The following RABGAP1L variants were observed in gnomAD, a reference collection of about 807,000 sequenced individuals.
The protein encoded by RABGAP1L is RAB GTPase activating protein 1 like.
A neutral mutation model predicts 137.7 loss-of-function variants in RABGAP1L; 63 were observed. The ratio of observed to expected loss-of-function variants is 0.46; its 90% CI spans 0.37 to 0.56. The LOEUF is 0.56. Ranked by LOEUF, RABGAP1L falls within the 20% of genes least tolerant of loss-of-function variation. RABGAP1L has a pLI of 0.00. For missense variants in RABGAP1L, 1,095 were observed against 1,244.0 expected (o/e 0.88, Z 1.80); for synonymous variants, 431 against 433.7 (o/e 0.99, Z 0.08).
At chr1:174,558,457 C>G (rs752504612) in intron 13 of RABGAP1L, among the ~76,000 whole-genome samples, 15 of 152,164 alleles carry the variant, frequency 9.9e-5, no homozygotes, top group Non-Finnish European at 1.9e-4. Context: ...CCAAGAGTTA[C>G]CCTAGAGAGA....
chr1:174,539,143 A>T (rs1665143030), intron 13 of RABGAP1L, among the ~76,000 whole-genome samples: 1 of 152,096 alleles, frequency 6.6e-6, no homozygotes, highest in Non-Finnish European at 1.5e-5. Flanking sequence ...GCCCATAGTA[A>T]ATACATATTT....
At chr1:174,186,822 AC>A (rs139884593) in intron 1 of RABGAP1L, among the ~76,000 whole-genome samples, 2,061 of 152,310 alleles carry the variant, frequency 0.014, 59 homozygotes, top group African/African-American at 0.048. Context: ...ACATTTATTT[AC>A]CAAGATTTTG....
intron 12 of RABGAP1L, among the ~76,000 whole-genome samples, chr1:174,387,079 A>G (rs985506320): frequency 2.0e-5 from 3 of 152,370 alleles, no homozygotes; most frequent in Non-Finnish European, 1.5e-5. Context: ...TTAGAGTTAC[A>G]TAGAAAACAA....
chr1:174,899,164 A>G (rs977955234), intron 19 of RABGAP1L, among the ~76,000 whole-genome samples: 4 of 152,164 alleles, frequency 2.6e-5, no homozygotes, highest in Admixed American at 1.3e-4. Flanking sequence ...GAGATGTGCA[A>G]AAAAGAACTT....
At chr1:174,640,263 C>G (rs1674423169) in intron 14 of RABGAP1L, among the ~76,000 whole-genome samples, 2 of 151,978 alleles carry the variant, frequency 1.3e-5, no homozygotes, top group African/African-American at 2.4e-5. Context: ...GCCAGGAAAC[C>G]TTAAGTTTGA....
At chr1:174,822,236 T>C (rs1047089547) in intron 19 of RABGAP1L, among the ~76,000 whole-genome samples, 12 of 152,330 alleles carry the variant, frequency 7.9e-5, no homozygotes, top group Middle Eastern at 3.4e-3. Context: ...ACTGCAAGCC[T>C]GGGCAATGGA....
chr1:174,790,548 C>T lies in RABGAP1L; in HGVS notation c.2212-21284C>T, dbSNP rs573741305. 3.3e-5 allele frequency among the ~76,000 whole-genome samples: 5 copies of T among 150,888 alleles called. No homozygotes were observed. The East Asian group carries it at 6.0e-4, about 18-fold the overall frequency. Reference sequence around the variant, plus strand: ...ACTCAGTAGGCGGAGTCAGGAGAATCGCTTGAACCCAGGAGGCAGAGGTTG... The same window carrying T: ...ACTCAGTAGGCGGAGTCAGGAGAATTGCTTGAACCCAGGAGGCAGAGGTTG... On this transcript the variant is annotated intron_variant, in intron 18 of 25. Transcript: ENST00000681986.
intron 13 of RABGAP1L, among the ~76,000 whole-genome samples, chr1:174,540,920 C>G (rs1665351486): frequency 6.6e-6 from 1 of 152,210 alleles, no homozygotes; most frequent in Non-Finnish European, 1.5e-5. Flanking sequence ...TTATTCCTAT[C>G]CACGAGCATG....
chr1:174,520,177 A>G lies in RABGAP1L; in HGVS notation c.1711-117198A>G, dbSNP rs1296278096. ...AAGAATGTTTTCATTTATTAAAGGG[A>G]TAGGAAATGAAAGCCAAATAAAAAG... On this transcript the variant is annotated intron_variant, in intron 13 of 25. Coordinates refer to ENST00000681986, the MANE Select transcript of RABGAP1L (RefSeq NM_001366446.1). Among the ~76,000 whole-genome samples, 3 of 152,236 alleles carry G rather than the reference A, an allele frequency of 2.0e-5. No homozygotes were observed. In the East Asian group the frequency reaches 5.8e-4, roughly 29 times the overall value.
chr1:174,589,783 A>C (rs1669414046), intron 13 of RABGAP1L, among the ~76,000 whole-genome samples: 1 of 152,086 alleles, frequency 6.6e-6, no homozygotes, highest in Admixed American at 6.6e-5. Flanking sequence ...GTATGGATTT[A>C]CTTCTGGATT....
intron 15 of RABGAP1L, among the ~76,000 whole-genome samples, chr1:174,690,022 A>C (rs572275349): frequency 6.6e-6 from 1 of 152,182 alleles, no homozygotes; most frequent in Non-Finnish European, 1.5e-5. Context: ...ATTCCAAGTT[A>C]ATTCTTATGA....
intron 18 of RABGAP1L, among the ~76,000 whole-genome samples, chr1:174,806,525 T>C (rs1003095477): frequency 2.0e-5 from 3 of 152,214 alleles, no homozygotes; most frequent in African/African-American, 7.2e-5. Flanking sequence ...GGAGGATTGC[T>C]TAAGCCCAGG....
At chr1:174,417,114 C>T (rs918605636) in intron 13 of RABGAP1L, among the ~76,000 whole-genome samples, 1 of 152,094 alleles carries the variant, frequency 6.6e-6, no homozygotes, top group Non-Finnish European at 1.5e-5. Context: ...TTTGCACCAG[C>T]CTAGTAAGAA....
At chr1:174,243,332 G>A (rs1015325824) in intron 5 of RABGAP1L, among the ~76,000 whole-genome samples, 4 of 152,048 alleles carry the variant, frequency 2.6e-5, no homozygotes, top group Non-Finnish European at 5.9e-5. Context: ...AATAAATGCT[G>A]TTTCTATAGA....
At chr1:174,785,356 A>C (rs1297444486) in intron 18 of RABGAP1L, among the ~76,000 whole-genome samples, 2 of 152,122 alleles carry the variant, frequency 1.3e-5, no homozygotes, top group Non-Finnish European at 2.9e-5. Flanking sequence ...GAGCCACTGC[A>C]CTCACCCTGA....
At chr1:174,177,574 G>A (rs1665992345) in intron 1 of RABGAP1L, among the ~76,000 whole-genome samples, 1 of 152,166 alleles carries the variant, frequency 6.6e-6, no homozygotes, top group African/African-American at 2.4e-5. Context: ...GTCCTGAATG[G>A]CATTGCCTAG....
intron 13 of RABGAP1L, among the ~76,000 whole-genome samples, chr1:174,416,274 CTA>C (rs748312044): frequency 5.3e-5 from 8 of 151,922 alleles, no homozygotes; most frequent in East Asian, 3.9e-4. Flanking sequence ...CAGGAAACAA[CTA>C]TTATTAAAAA....
chr1:174,833,662 T>C (rs1227008190), intron 19 of RABGAP1L, among the ~76,000 whole-genome samples: 1 of 151,148 alleles, frequency 6.6e-6, no homozygotes, highest in African/African-American at 2.4e-5. Context: ...TTACCACTTA[T>C]TATGTACCCA....
chr1:174,664,737 T>TTC (rs1676647402), intron 14 of RABGAP1L, among the ~76,000 whole-genome samples: 1 of 132,818 alleles, frequency 7.5e-6, no homozygotes, highest in Non-Finnish European at 1.5e-5. Context: ...CTGCTTTCTT[T>TTC]TTTTTTTTTT....
Sources: allele counts gnomAD v4.1 joint callset (sites outside exome capture counted in the v4.1 genomes callset), GRCh38; gene constraint gnomAD v4.1.1; transcripts MANE v1.5; gene names NCBI Gene and HGNC (gene_info 2026-07-23, HGNC 2026-07-21).